The following TRPV5 variants were observed in gnomAD, a reference collection of about 807,000 sequenced individuals.
The protein encoded by TRPV5 is calcium transport protein 2.
A neutral mutation model predicts 74.1 loss-of-function variants in TRPV5; 66 were observed. The ratio of observed to expected loss-of-function variants is 0.89; its 90% CI spans 0.73 to 1.09. TRPV5 has a LOEUF of 1.09. TRPV5 is among the 50% of genes least tolerant of loss of function. The probability of loss-of-function intolerance (pLI) is 0.00; values close to 1 mark genes in which losing one functional copy is unlikely to be tolerated. For synonymous variants in TRPV5, 399 were observed against 360.7 expected, an observed-to-expected ratio of 1.11 and a Z score of -1.20; for missense variants, 936 against 930.4, an observed-to-expected ratio of 1.01 and a Z score of -0.08.
chr7:142,912,436 C>T (rs1177383592), intron 13 of TRPV5, 46 bp downstream of exon 13: 27 of 1,571,470 alleles, frequency 1.7e-5, no homozygotes, highest in Non-Finnish European at 2.1e-5. Context: ...TTTGATTTTT[C>T]TCTCCAACCC....
At chr7:142,910,635 C>T (rs1795688976) in intron 13 of TRPV5, among the ~76,000 whole-genome samples, 1 of 152,184 alleles carries the variant, frequency 6.6e-6, no homozygotes, top group Admixed American at 6.5e-5. Context: ...TCCCTATCTT[C>T]CTCATTACTC....
At chr7:142,930,969 A>G (rs1315253827) in intron 1 of TRPV5, among the ~76,000 whole-genome samples, 5 of 150,052 alleles carry the variant, frequency 3.3e-5, no homozygotes, top group Middle Eastern at 7.0e-3. Flanking sequence ...GCATTTTGAA[A>G]TTTGTGAAAT....
chr7:142,917,040 T>C lies in TRPV5; in HGVS notation c.1123-1472A>G, dbSNP rs200289011. The stretch of plus-strand genomic sequence containing the variant: ...TCCAAAGAATTTCAGAGTTTTTGTT[T>C]TGTTTTGTTCTATTTTTTTGTGTGT... On this transcript the variant is annotated intron_variant, in intron 8 of 14. Transcript: ENST00000265310. 2.0e-5 allele frequency among the ~76,000 whole-genome samples: 3 copies of C among 152,130 alleles called. No homozygotes were observed. The East Asian group carries it at 5.8e-4, about 29-fold the overall frequency.
rs1390593261 is a variant in TRPV5, at chr7:142,933,467, C to T, written c.-8G>A. The T allele has an allele frequency of 1.9e-6, 3 of 1,610,984 alleles. No homozygotes were observed. The highest frequency in any genetic ancestry group is 2.5e-6 in the Non-Finnish European group (3 of 1,178,934). On this transcript the variant is annotated 5_prime_UTR_variant, in exon 1 of 15. Coordinates refer to ENST00000265310, the MANE Select transcript of TRPV5 (RefSeq NM_019841.7). ...AGGTAGAAAACCCCCCATGTCTTCT[C>T]CTTGCAGACACTGGCAGATTATAGA...
intron 1 of TRPV5, among the ~76,000 whole-genome samples, chr7:142,931,278 C>T (rs1486186566): frequency 6.6e-6 from 1 of 152,040 alleles, no homozygotes; most frequent in Non-Finnish European, 1.5e-5. Context: ...CCTGCCTTGG[C>T]CTCCCAAAGT....
chr7:142,916,171 T>C (rs1795794298), intron 8 of TRPV5, among the ~76,000 whole-genome samples: 1 of 152,212 alleles, frequency 6.6e-6, no homozygotes, highest in Non-Finnish European at 1.5e-5. Context: ...TACATGAACT[T>C]TATAAATCAT....
intron 8 of TRPV5, among the ~76,000 whole-genome samples, chr7:142,918,715 G>A (rs998081733): frequency 4.6e-5 from 7 of 152,024 alleles, no homozygotes; most frequent in Admixed American, 3.9e-4. Context: ...GGAAGGAAGA[G>A]CTAAAAGAAA....
intron 8 of TRPV5, chr7:142,924,766 C>T (rs1006631923): frequency 6.6e-6 from 1 of 152,112 alleles, no homozygotes; most frequent in African/African-American, 2.4e-5. Context: ...TTTTAGTAAT[C>T]CACAAAGAGT....
rs1418238040 is a variant in TRPV5 at position 142,928,704 on chromosome 7, T to C, written c.749A>G (p.Glu250Gly). 1 of 1,613,732 alleles carries C rather than the reference T, an allele frequency of 6.2e-7. No individual in the cohort carries two copies. Among genetic ancestry groups the C allele is most frequent in the Non-Finnish European group, 8.5e-7 (1 of 1,179,820 alleles). Residue 250 changes from glutamate (E) to glycine (G), a missense_variant, in exon 6 of 15, where the codon GAG (glutamate) becomes GGG (glycine). Physicochemically the swap from Glu to Gly is moderately conservative, Grantham distance 98 (BLOSUM62 -2). Transcript: ENST00000265310. ...GLTPFKLAGV[E>G]GNTVMFQHLM... is the part of the protein sequence containing the mutation. ...AGCGTCTCTTACCACAGTGTTACCC[T>C]CCACTCCAGCCAGCTTGAAGGGGGT...
At chr7:142,909,839 T>A (rs1795677102) in intron 13 of TRPV5, among the ~76,000 whole-genome samples, 1 of 152,206 alleles carries the variant, frequency 6.6e-6, no homozygotes, top group Non-Finnish European at 1.5e-5. Flanking sequence ...GCCCTTACAT[T>A]ACTATTCACT....
In TRPV5 at chr7:142,928,716, A is replaced by T; in HGVS notation, c.737T>A (p.Leu246Gln). The T allele has an allele frequency of 6.2e-7, 1 of 1,614,080 alleles. No individual in the cohort carries two copies. The highest frequency in any genetic ancestry group is 1.7e-5 in the Admixed American group (1 of 60,010). ...PNHQGLTPFK[L>Q]AGVEGNTVMF... ...CACAGTGTTACCCTCCACTCCAGCC[A>T]GCTTGAAGGGGGTGAGACCCTGGTG... Residue 246 changes from leucine to glutamine, a missense_variant, in exon 6 of 15, where the codon CTG becomes CAG. Coordinates refer to ENST00000265310, the MANE Select transcript of TRPV5 (RefSeq NM_019841.7).
In TRPV5 at chr7:142,912,515, C is replaced by T. The variant is rs147170311; in HGVS notation, c.1755G>A (p.Val585=). 9.9e-6 allele frequency: 16 copies of T among 1,614,084 alleles called. No individual in the cohort carries two copies. The African/African-American group carries it at 1.2e-4, about 12-fold the overall frequency. Residue 585 remains valine, a synonymous_variant, in exon 13 of 15, where the codon GTG becomes GTA. Transcript: ENST00000265310. ...TCCAGAGCTCATCCCTCTCCTGGGC[C>T]ACCCTCCAGTGGGTGTCGCCCATCA... ...IAMMGDTHWR[V]AQERDELWRA...
rs1210976693 is a variant in TRPV5, at chr7:142,914,953, C to A, written c.1380G>T (p.Leu460=). The A allele has an allele frequency of 6.2e-7, 1 of 1,614,036 alleles. No individual in the cohort carries two copies. The highest frequency in any genetic ancestry group is 8.5e-7 in the Non-Finnish European group (1 of 1,180,034). ...TGAAATACATGACACTGCACCAGCC[C>A]AGCACCAGGGCAAAGGACATGGGCA... The part of the protein sequence containing the change: ...EVVPMSFALV[L]GWCSVMYFTR... Residue 460 remains leucine, a synonymous_variant, in exon 11 of 15, where the codon CTG becomes CTT. Coordinates refer to ENST00000265310, the MANE Select transcript of TRPV5 (RefSeq NM_019841.7).
intron 8 of TRPV5, chr7:142,924,773 G>A (rs924218865): frequency 6.6e-6 from 1 of 152,086 alleles, no homozygotes; most frequent in African/African-American, 2.4e-5. Flanking sequence ...AATCCACAAA[G>A]AGTCAACCCC....
intron 8 of TRPV5, chr7:142,925,091 T>C (rs140218250): frequency 4.0e-5 from 11 of 278,014 alleles, no homozygotes; most frequent in African/African-American, 2.2e-4. Context: ...TGGGCCCATA[T>C]AGACAGCACA....
intron 7 of TRPV5, among the ~76,000 whole-genome samples, chr7:142,927,027 C>A (rs1796000220): frequency 6.6e-6 from 1 of 152,232 alleles, no homozygotes; most frequent in Admixed American, 6.5e-5. Context: ...CTCTCTACTG[C>A]AGTCTTCAAC....
At position 142,908,456 on chromosome 7, in the gene TRPV5, T is replaced by C; in HGVS notation, c.*58A>G. ...ACACTTGCATAGGCAGAGGTCTCCG[T>C]CTCTGTCCCCGCCCCCAGGCCAACC... On this transcript the variant is annotated 3_prime_UTR_variant, in exon 15 of 15. Coordinates refer to ENST00000265310, the MANE Select transcript of TRPV5 (RefSeq NM_019841.7). 2 of 1,583,060 alleles carry C rather than the reference T, an allele frequency of 1.3e-6. No homozygotes were observed. Among genetic ancestry groups the C allele is most frequent in the Non-Finnish European group, 1.7e-6 (2 of 1,157,250 alleles).
At position 142,908,726 on chromosome 7, in the gene TRPV5, G is replaced by C; in HGVS notation, c.1978C>G (p.Gln660Glu). 5.0e-6 allele frequency: 8 copies of C among 1,614,158 alleles called. No individual in the cohort carries two copies. The highest frequency in any genetic ancestry group is 5.1e-6 in the Non-Finnish European group (6 of 1,180,042). ...GGCTGTTTCTCAGATGGATGCTCCT[G>C]GTCATCCTCCTTGTCTGAGTTCTTG... ...VFKNSDKEDDQEHPSEKQPSG... is the reference protein window; with the variant it reads ...VFKNSDKEDDEEHPSEKQPSG... The change falls in exon 15 of 15, where the codon CAG (glutamine) becomes GAG (glutamate). Residue 660 changes from glutamine (Q) to glutamate (E), a missense_variant. Transcript: ENST00000265310.
chr7:142,919,774 G>A (rs1320955437), intron 8 of TRPV5, among the ~76,000 whole-genome samples: 1 of 152,198 alleles, frequency 6.6e-6, no homozygotes, highest in African/African-American at 2.4e-5. Context: ...GAAGGAGTGG[G>A]CAAAGCAGTG....
Sources: allele counts gnomAD v4.1 joint callset (sites outside exome capture counted in the v4.1 genomes callset), GRCh38; gene constraint gnomAD v4.1.1; transcripts MANE v1.5; gene names NCBI Gene and HGNC (gene_info 2026-07-23, HGNC 2026-07-21).